The following NRXN1 variants were observed in gnomAD, a reference collection of about 807,000 sequenced individuals.
NRXN1 encodes neurexin-1.
Under a neutral mutation model 150.9 loss-of-function variants are expected in NRXN1, and 39 were observed. The ratio of observed to expected loss-of-function variants is 0.26; its 90% CI spans 0.20 to 0.34. The LOEUF (loss-of-function observed/expected upper bound fraction) is 0.34, where lower values mean the gene tolerates loss of function less well. Ranked by LOEUF, NRXN1 falls within the 10% of genes least tolerant of loss-of-function variation. The pLI, the probability that NRXN1 is intolerant of heterozygous loss-of-function variation, is 1.00. For missense variants in NRXN1, 1,815 were observed against 1,949.9 expected (o/e 0.93, Z 1.30); for synonymous variants, 924 against 757.0 (o/e 1.22, Z -3.62).
intron 5 of NRXN1, among the ~76,000 whole-genome samples, chr2:50,671,605 T>C (rs921025031): frequency 6.6e-6 from 1 of 151,716 alleles, no homozygotes; most frequent in African/African-American, 2.4e-5. Context: ...TAGGAAATGG[T>C]TGGAGTGTAA....
chr2:50,959,604 G>A (rs1369428819), intron 2 of NRXN1, among the ~76,000 whole-genome samples: 1 of 151,980 alleles, frequency 6.6e-6, no homozygotes, highest in Admixed American at 6.6e-5. Flanking sequence ...AGTGAAGAAT[G>A]GGAAGGACTA....
chr2:50,355,920 G>A (rs1485651480), intron 17 of NRXN1, among the ~76,000 whole-genome samples: 5 of 151,998 alleles, frequency 3.3e-5, no homozygotes, highest in African/African-American at 4.8e-5. Flanking sequence ...TTATTGGTGA[G>A]TTATTTTTAT....
chr2:50,656,249 C>T (rs1391397388), intron 5 of NRXN1: 2 of 611,426 alleles, frequency 3.3e-6, no homozygotes, highest in Admixed American at 2.6e-5. Context: ...TCTAATCATG[C>T]CCCTTCTTGG....
rs1668119347 is a variant in NRXN1 at position 49,921,080 on chromosome 2, C to G, written c.*864G>C. The G allele has an allele frequency of 6.6e-6, 1 of 152,486 alleles. No homozygotes were observed. The highest frequency in any genetic ancestry group is 6.6e-5 in the Admixed American group (1 of 15,254). The allele number at this position is 152,486 out of a possible 1,614,324, so 9.4% of individuals were successfully genotyped here. The stretch of plus-strand genomic sequence containing the variant: ...TCCCTATACTTAGCAACACTTATAA[C>G]ATTGAATTTACCAAAAATGGCTGAA... On this transcript the variant is annotated 3_prime_UTR_variant, in exon 23 of 23. Coordinates refer to ENST00000401669, the MANE Select transcript of NRXN1 (RefSeq NM_001330078.2).
At chr2:50,646,950 C>G (rs1214976862) in intron 5 of NRXN1, among the ~76,000 whole-genome samples, 5 of 151,630 alleles carry the variant, frequency 3.3e-5, no homozygotes, top group African/African-American at 9.7e-5. Context: ...GAGTATTTTC[C>G]TACAGAGAAT....
chr2:50,413,515 CA>C (rs1292432612), intron 17 of NRXN1, among the ~76,000 whole-genome samples: 5 of 152,132 alleles, frequency 3.3e-5, no homozygotes, highest in African/African-American at 1.2e-4. Flanking sequence ...GGCTTATAAC[CA>C]AAAGACAGGC....
intron 18 of NRXN1, among the ~76,000 whole-genome samples, chr2:50,201,815 T>A (rs1274576537): frequency 1.3e-5 from 2 of 152,168 alleles, no homozygotes; most frequent in Non-Finnish European, 2.9e-5. Context: ...GCCAAAGGCT[T>A]GAGTAGGGCT....
At chr2:50,502,536 C>T (rs984431955) in intron 13 of NRXN1, among the ~76,000 whole-genome samples, 5 of 151,994 alleles carry the variant, frequency 3.3e-5, no homozygotes, top group African/African-American at 1.2e-4. Flanking sequence ...CTCCTTAGCT[C>T]TGAATATAAG....
chr2:50,829,926 A>C (rs1461806071), intron 5 of NRXN1, among the ~76,000 whole-genome samples: 1 of 146,704 alleles, frequency 6.8e-6, no homozygotes. Context: ...CCTTAGCAAG[A>C]CTCACAATGT....
intron 17 of NRXN1, among the ~76,000 whole-genome samples, chr2:50,343,922 G>C (rs2077736370): frequency 6.6e-6 from 1 of 152,090 alleles, no homozygotes; most frequent in Non-Finnish European, 1.5e-5. Flanking sequence ...TGTTCATCTA[G>C]CCAAATAAAT....
chr2:50,669,275 T>C (rs17040937), intron 5 of NRXN1, among the ~76,000 whole-genome samples: 33,940 of 151,824 alleles, frequency 0.22, 3,958 homozygotes, highest in East Asian at 0.29. Flanking sequence ...CAAAAAACAG[T>C]TGAAAAAACT....
chr2:50,220,749 T>C (rs2063821236), intron 18 of NRXN1, among the ~76,000 whole-genome samples: 1 of 152,008 alleles, frequency 6.6e-6, no homozygotes, highest in East Asian at 1.9e-4. Flanking sequence ...TCAGATTTTT[T>C]TTCCAGACAC....
At chr2:50,473,755 A>C (rs1404623675) in intron 15 of NRXN1, among the ~76,000 whole-genome samples, 1 of 151,996 alleles carries the variant, frequency 6.6e-6, no homozygotes, top group Non-Finnish European at 1.5e-5. Flanking sequence ...CAGACTGTTG[A>C]GCTGTGAGTA....
intron 21 of NRXN1, among the ~76,000 whole-genome samples, chr2:49,980,110 T>C (rs528505049): frequency 1.3e-5 from 2 of 152,292 alleles, no homozygotes; most frequent in East Asian, 1.9e-4. Flanking sequence ...AAATAACATA[T>C]ATATCCATGA....
chr2:50,116,662 A>T (rs1703113684), intron 18 of NRXN1, among the ~76,000 whole-genome samples: 2 of 151,968 alleles, frequency 1.3e-5, no homozygotes, highest in Admixed American at 1.3e-4. Context: ...CCTCTTCCCC[A>T]CATCTCTTCT....
intron 5 of NRXN1, among the ~76,000 whole-genome samples, chr2:50,868,330 C>A (rs114962448): frequency 7.1e-6 from 1 of 141,624 alleles, no homozygotes; most frequent in Non-Finnish European, 1.5e-5. Context: ...CACCTATAAG[C>A]GAAAGGTAAA....
At chr2:50,046,177 G>T (rs190519326) in intron 21 of NRXN1, among the ~76,000 whole-genome samples, 2 of 152,286 alleles carry the variant, frequency 1.3e-5, no homozygotes, top group East Asian at 3.9e-4. Context: ...CGCAAGTTAT[G>T]GGAATCCTTG....
intron 15 of NRXN1, among the ~76,000 whole-genome samples, chr2:50,473,903 T>C (rs1399521087): frequency 6.6e-6 from 1 of 152,018 alleles, no homozygotes; most frequent in Non-Finnish European, 1.5e-5. Flanking sequence ...TACTCATGAA[T>C]AAATTGAAAT....
intron 13 of NRXN1, among the ~76,000 whole-genome samples, chr2:50,503,518 A>G (rs890740579): frequency 6.6e-6 from 1 of 151,138 alleles, no homozygotes; most frequent in African/African-American, 2.4e-5. Flanking sequence ...ACAATAAGAA[A>G]AAAAGGAAGG....
Sources: allele counts gnomAD v4.1 joint callset (sites outside exome capture counted in the v4.1 genomes callset), GRCh38; gene constraint gnomAD v4.1.1; transcripts MANE v1.5; gene names NCBI Gene and HGNC (gene_info 2026-07-23, HGNC 2026-07-21).